The following CELSR2 variants were observed in gnomAD, a reference collection of about 807,000 sequenced individuals.
CELSR2 encodes cadherin EGF LAG seven-pass G-type receptor 2, also known as EGF-like protein 2.
Under a neutral mutation model 251.6 loss-of-function variants are expected in CELSR2, and 81 were observed. That is an observed-to-expected ratio of 0.32 (90% CI 0.27 to 0.39). CELSR2 has a LOEUF of 0.39. Among genes scored for constraint, CELSR2 ranks in the 10% least tolerant of loss-of-function variants. The pLI is 1.00. For missense variants in CELSR2, 3,365 were observed against 3,947.7 expected, an observed-to-expected ratio of 0.85 and a Z score of 3.96; for synonymous variants, 1,721 against 1,670.5, an observed-to-expected ratio of 1.03 and a Z score of -0.74.
chr1:109,265,940 G>T (rs1398599949), intron 14 of CELSR2, 22 bp downstream of exon 14: 1 of 1,605,842 alleles, frequency 6.2e-7, no homozygotes, highest in Admixed American at 1.7e-5. Flanking sequence ...GGGATGGGTG[G>T]GCAGCCCTCC....
At chr1:109,273,911 G>A in intron 33 of CELSR2, 111 bp from the exon 34 acceptor site, 1 of 1,420,078 alleles carries the variant, frequency 7.0e-7, no homozygotes, top group Non-Finnish European at 1.0e-6. Flanking sequence ...AGGATGGGGA[G>A]CTGGGGGTGC....
At chr1:109,272,447 C>T in intron 29 of CELSR2, 42 bp downstream of exon 29, 2 of 1,581,160 alleles carry the variant, frequency 1.3e-6, no homozygotes, top group Non-Finnish European at 1.7e-6. Flanking sequence ...GGAGGAGGGG[C>T]CCACGCATGC....
At chr1:109,268,155 A>G in intron 17 of CELSR2, 95 bp downstream of exon 17, 1 of 1,481,880 alleles carries the variant, frequency 6.7e-7, no homozygotes, top group Non-Finnish European at 9.0e-7. Flanking sequence ...GGGCCCTCCC[A>G]TCCCACCTAC....
rs76374043 is a variant in CELSR2 at position 109,261,015 on chromosome 1, T to G, written c.3959-27T>G. Reference sequence around the variant, plus strand: ...TCCCCTCCTGTCCTCAGGTACTTGGTACTCACCTGCCTTTCCTCTTGTCCA... The same window carrying G: ...TCCCCTCCTGTCCTCAGGTACTTGGGACTCACCTGCCTTTCCTCTTGTCCA... On this transcript the variant is annotated intron_variant, in intron 2 of 33. Transcript: ENST00000271332. This position sits in a 1 kb window ranked among gnomAD's most constrained non-coding sequence, Gnocchi z 4.8. 6.4e-7 allele frequency: 1 copy of G among 1,567,694 alleles called. No homozygotes were observed. Among genetic ancestry groups the G allele is most frequent in the Non-Finnish European group, 8.7e-7 (1 of 1,145,982 alleles).
rs752110224 is a variant in CELSR2, at chr1:109,273,329, T to A, written c.8502T>A (p.Pro2834=). ...LGPLPGSSAQ[P]HKGILKKKCL... ...CCCTTCCAGGCTCTTCTGCCCAGCC[T>A]CACAAAGGTGAGTGGGGCACCCCCA... Residue 2834 remains proline (P), a synonymous_variant, in exon 32 of 34, where the codon CCT becomes CCA. Transcript: ENST00000271332. The A allele has an allele frequency of 2.9e-5, 47 of 1,598,396 alleles. No individual in the cohort carries two copies. Among genetic ancestry groups the A allele is most frequent in the Non-Finnish European group, 4.0e-5 (47 of 1,172,080 alleles).
rs752832898 is a variant in CELSR2, at chr1:109,250,709, G to C, written c.630G>C (p.Glu210Asp). 3.1e-6 allele frequency: 5 copies of C among 1,614,150 alleles called. No individual in the cohort carries two copies. Among genetic ancestry groups the C allele is most frequent in the Middle Eastern group, 1.6e-4 (1 of 6,062 alleles). Residue 210 changes from glutamate (E) to aspartate (D), a missense_variant, in exon 1 of 34, where the codon GAG (glutamate) becomes GAC (aspartate). Physicochemically the swap from Glu to Asp is conservative, Grantham distance 45. Transcript: ENST00000271332. The surrounding 1 kb of genome is among the most constrained non-coding windows in gnomAD (Gnocchi z 4.4). ...CCCTGAGGGCCATCGACCCGGACGAGGGTGAGGCAGGTCGACTGGAGTACA... is the reference window on the plus strand; with the variant it reads ...CCCTGAGGGCCATCGACCCGGACGACGGTGAGGCAGGTCGACTGGAGTACA... ...VASLRAIDPD[E>D]GEAGRLEYTM...
chr1:109,269,453 C>G lies in CELSR2; in HGVS notation c.6842C>G (p.Pro2281Arg). Residue 2281 changes from proline to arginine, a missense_variant, in exon 21 of 34, where the codon CCC becomes CGC. Pro to Arg is a moderately radical substitution (Grantham distance 103, BLOSUM62 -2). Transcript: ENST00000271332. This position sits in a 1 kb window ranked among gnomAD's most constrained non-coding sequence, Gnocchi z 6.4. ...RVPKRPIINT[P>R]VVSISVHDDE... Reference sequence around the variant, plus strand: ...CCCAAACGCCCGATCATCAACACACCCGTGGTGAGCATCAGCGTCCATGAT... The same window carrying G: ...CCCAAACGCCCGATCATCAACACACGCGTGGTGAGCATCAGCGTCCATGAT... 6.2e-7 allele frequency: 1 copy of G among 1,614,006 alleles called. No homozygotes were observed. Among genetic ancestry groups the G allele is most frequent in the Non-Finnish European group, 8.5e-7 (1 of 1,179,982 alleles).
chr1:109,269,226 A>C lies in CELSR2; in HGVS notation c.6748A>C (p.Ile2250Leu), dbSNP rs557334408. ...LSQGEAVASV[I>L]IYRTLAGLLP... ...CCAGGGTGAGGCTGTGGCCAGCGTC[A>C]TCATCTACCGCACCCTGGCCGGGCT... is the stretch of plus-strand genomic sequence containing the variant. The change falls in exon 20 of 34, where the codon ATC (isoleucine) becomes CTC (leucine). Residue 2250 changes from isoleucine (I) to leucine (L), a missense_variant. Around this residue, in one of 5 missense-constraint regions of CELSR2, gnomAD observed 2,093 missense variants for 2,382.8 expected, o/e 0.88. Coordinates refer to ENST00000271332, the MANE Select transcript of CELSR2 (RefSeq NM_001408.3). This position sits in a 1 kb window ranked among gnomAD's most constrained non-coding sequence, Gnocchi z 6.4. 1.2e-6 allele frequency: 2 copies of C among 1,612,934 alleles called. No homozygotes were observed. Among genetic ancestry groups the C allele is most frequent in the East Asian group, 4.5e-5 (2 of 44,884 alleles).
rs746291540 is a variant in CELSR2, at chr1:109,267,961, C to T, written c.6219C>T (p.Asp2073=). 15 of 1,611,676 alleles carry T rather than the reference C, an allele frequency of 9.3e-6. No individual in the cohort carries two copies. The highest frequency in any genetic ancestry group is 3.3e-5 in the South Asian group (3 of 91,040). ...ACACAGCTGGCTACTTCGGCAGCGA[C>T]GTCAAGGTGGCCTACCAGCTGGCCA... ...TQHTAGYFGS[D]VKVAYQLATR... is the part of the protein sequence containing the mutation. The change falls in exon 17 of 34, where the codon GAC becomes GAT. Residue 2073 remains aspartate (D), a synonymous_variant. Transcript: ENST00000271332.
At position 109,265,192 on chromosome 1, in the gene CELSR2, A is replaced by T. The variant is rs767768147; in HGVS notation, c.5608A>T (p.Ile1870Phe). 4.4e-6 allele frequency: 7 copies of T among 1,598,440 alleles called. No individual in the cohort carries two copies. Among genetic ancestry groups the T allele is most frequent in the Non-Finnish European group, 2.6e-6 (3 of 1,171,418 alleles). ...GCCTACCTGGGTCCCTCTCTGCAGG[A>T]TTGACCAGCCTTGTCCCCGTGGCTG... is the stretch of plus-strand genomic sequence containing the variant. The part of the protein sequence containing the change: ...NYLGPYCETR[I>F]DQPCPRGWWG... The change falls in exon 13 of 34, where the codon ATT (isoleucine) becomes TTT (phenylalanine). Residue 1870 changes from isoleucine (I) to phenylalanine (F), a missense_variant and splice_region_variant. Ile to Phe is a conservative substitution (Grantham distance 21, BLOSUM62 0). Coordinates refer to ENST00000271332, the MANE Select transcript of CELSR2 (RefSeq NM_001408.3).
chr1:109,273,349 C>T lies in CELSR2; in HGVS notation c.8509+13C>T, dbSNP rs1355171422. On this transcript the variant is annotated intron_variant, in intron 32 of 33. Coordinates refer to ENST00000271332, the MANE Select transcript of CELSR2 (RefSeq NM_001408.3). ...CAGCCTCACAAAGGTGAGTGGGGCA[C>T]CCCCAGCTGCCGAGCTCCCCTAGTC... The T allele has an allele frequency of 9.4e-6, 15 of 1,600,544 alleles. No homozygotes were observed. The highest frequency in any genetic ancestry group is 1.3e-5 in the Non-Finnish European group (15 of 1,173,190).
At chr1:109,263,515 GC>G in intron 8 of CELSR2, 95 bp from the exon 9 acceptor site, 1 of 1,515,936 alleles carries the variant, frequency 6.6e-7, no homozygotes, top group Non-Finnish European at 9.0e-7. Flanking sequence ...AGGGGAGTGG[GC>G]TCTGCCTCCC....
intron 1 of CELSR2, among the ~76,000 whole-genome samples, chr1:109,255,742 CCT>C (rs748814695): frequency 3.9e-5 from 6 of 152,370 alleles, no homozygotes; most frequent in Non-Finnish European, 7.3e-5. Flanking sequence ...ACTCCCCACC[CCT>C]GTTCCCATCC....
In CELSR2 at chr1:109,251,886, G is replaced by A. The variant is rs201711988; in HGVS notation, c.1807G>A (p.Val603Ile). ...CAGTGTCAGCGTGACTGTCCTGGAT[G>A]TCAACGACAACAATCCAACCTTTAC... Reference protein sequence around the residue: ...SASVSVTVLDVNDNNPTFTQP... With the variant: ...SASVSVTVLDINDNNPTFTQP... The change falls in exon 1 of 34, where the codon GTC (valine) becomes ATC (isoleucine). Residue 603 changes from valine to isoleucine, a missense_variant. Val to Ile is a conservative substitution (Grantham distance 29). Coordinates refer to ENST00000271332, the MANE Select transcript of CELSR2 (RefSeq NM_001408.3). This position sits in a 1 kb window ranked among gnomAD's most constrained non-coding sequence, Gnocchi z 4.9. The A allele has an allele frequency of 6.2e-7, 1 of 1,614,122 alleles. No homozygotes were observed. The highest frequency in any genetic ancestry group is 8.5e-7 in the Non-Finnish European group (1 of 1,180,026).
In CELSR2 at chr1:109,250,244, C is replaced by T. The variant is rs1655643141; in HGVS notation, c.165C>T (p.Gly55=). 6.2e-7 allele frequency: 1 copy of T among 1,610,536 alleles called. No homozygotes were observed. Among genetic ancestry groups the T allele is most frequent in the Non-Finnish European group, 8.5e-7 (1 of 1,178,534 alleles). Residue 55 remains glycine, a synonymous_variant, in exon 1 of 34, where the codon GGC becomes GGT. Coordinates refer to ENST00000271332, the MANE Select transcript of CELSR2 (RefSeq NM_001408.3). This position sits in a 1 kb window ranked among gnomAD's most constrained non-coding sequence, Gnocchi z 4.4. ...RGSSGACAPM[G]WLCPSSASNL... ...CTTCGGGGGCCTGCGCCCCCATGGG[C>T]TGGCTCTGTCCATCCTCAGCGTCGA...
At chr1:109,270,706 C>T (rs1656347709) in intron 24 of CELSR2, 106 bp downstream of exon 24, 20 of 1,395,968 alleles carry the variant, frequency 1.4e-5, no homozygotes, top group Non-Finnish European at 1.9e-5. Context: ...ATCCCCATGC[C>T]CCAGGCCGCC....
chr1:109,267,592 C>A lies in CELSR2; in HGVS notation c.6058C>A (p.Pro2020Thr), dbSNP rs186529449. 1.1e-5 allele frequency: 18 copies of A among 1,614,044 alleles called. No homozygotes were observed. In the African/African-American group the frequency reaches 1.3e-4, roughly 12 times the overall value. ...TGATGAGCACAGGGGGTGGCTCCCC[C>A]CAAACCTCTTCAACTGCACGTCCAT... ...HCDEHRGWLP[P>T]NLFNCTSITF... is the part of the protein sequence containing the mutation. The change falls in exon 16 of 34, where the codon CCA (proline) becomes ACA (threonine). Residue 2020 changes from proline (P) to threonine (T), a missense_variant. Transcript: ENST00000271332.
intron 11 of CELSR2, 89 bp downstream of exon 11, chr1:109,264,717 C>A: frequency 6.4e-7 from 1 of 1,574,198 alleles, no homozygotes; most frequent in Non-Finnish European, 8.7e-7. Context: ...CATGGGGCAT[C>A]ACACCACCTC....
At position 109,270,949 on chromosome 1, in the gene CELSR2, C is replaced by G. The variant is rs1557736964; in HGVS notation, c.7506C>G (p.Pro2502=). 2 of 1,613,880 alleles carry G rather than the reference C, an allele frequency of 1.2e-6. No homozygotes were observed. Among genetic ancestry groups the G allele is most frequent in the Non-Finnish European group, 1.7e-6 (2 of 1,179,920 alleles). ...FITGLAVGLD[P]EGYGNPDFCW... ...CAGGGCTAGCCGTGGGCCTGGACCCCGAGGGCTACGGGAACCCTGACTTCT... is the reference window on the plus strand; with the variant it reads ...CAGGGCTAGCCGTGGGCCTGGACCCGGAGGGCTACGGGAACCCTGACTTCT... The change falls in exon 25 of 34, where the codon CCC becomes CCG. Residue 2502 remains proline (P), a synonymous_variant. Coordinates refer to ENST00000271332, the MANE Select transcript of CELSR2 (RefSeq NM_001408.3).
Sources: allele counts gnomAD v4.1 joint callset (sites outside exome capture counted in the v4.1 genomes callset), GRCh38; gene constraint gnomAD v4.1.1; regional missense constraint gnomAD v4.1.1; non-coding constraint Gnocchi (gnomAD v3.1); transcripts MANE v1.5; gene names NCBI Gene and HGNC (gene_info 2026-07-23, HGNC 2026-07-21).